The following MAMDC2 variants were observed in gnomAD, a reference collection of about 807,000 sequenced individuals.
MAMDC2 encodes the protein MAM domain containing 2, also known as MAM domain-containing protein 2.
In MAMDC2, 57 loss-of-function variants were observed where a neutral mutation model predicts 89.8. The observed-to-expected ratio is 0.63, with a 90% confidence interval of 0.51 to 0.79. The LOEUF is 0.79. MAMDC2 is among the 30% of genes least tolerant of loss of function. The pLI is 0.00. For synonymous variants in MAMDC2, 313 were observed against 293.4 expected (o/e 1.07, Z -0.68); for missense variants, 800 against 820.6 (o/e 0.97, Z 0.31).
intron 11 of MAMDC2, among the ~76,000 whole-genome samples, chr9:70,209,648 G>T (rs1002103969): frequency 2.6e-5 from 4 of 152,046 alleles, no homozygotes; most frequent in Non-Finnish European, 5.9e-5. Flanking sequence ...GTTCCGCTCT[G>T]ATCTTAGTTA....
At chr9:70,148,934 C>G (rs2031493659) in intron 9 of MAMDC2, among the ~76,000 whole-genome samples, 1 of 147,308 alleles carries the variant, frequency 6.8e-6, no homozygotes, top group Non-Finnish European at 1.5e-5. Flanking sequence ...GAGGCTGAGG[C>G]AGGAGAATGG....
rs138640894 is a variant in MAMDC2, at chr9:70,217,754, CAA to C, written c.1652-579_1652-578del. The C allele has an allele frequency of 2.2e-3, 2,230 of 1,004,346 alleles. 34 individuals carry two copies. The African/African-American group carries it at 0.031, about 14-fold the overall frequency. The allele number at this position is 1,004,346 out of a possible 1,614,324, so 62.2% of individuals were successfully genotyped here. ...TTTTCAAAACTAAAAAAAAGTGTCA[CAA>C]AAAGTTTTAGGAATTAAGTAGGACA... On this transcript the variant is annotated intron_variant, in intron 11 of 13. Coordinates refer to ENST00000377182, the MANE Select transcript of MAMDC2 (RefSeq NM_153267.5).
chr9:70,140,196 G>A lies in MAMDC2; in HGVS notation c.1046G>A (p.Cys349Tyr). 1 of 1,596,506 alleles carries A rather than the reference G, an allele frequency of 6.3e-7. No homozygotes were observed. Among genetic ancestry groups the A allele is most frequent in the Non-Finnish European group, 8.5e-7 (1 of 1,174,806 alleles). ...EASCNFEQDL[C>Y]NFYQDKEGPG... ...AGCTGCAATTTTGAGCAAGATCTCT[G>A]CAACTTTTACCAAGATAAAGAAGGT... Residue 349 changes from cysteine (C) to tyrosine (Y), a missense_variant, in exon 8 of 14, where the codon TGC becomes TAC. Transcript: ENST00000377182.
rs552406581 is a variant in MAMDC2 at position 70,102,014 on chromosome 9, A to T, written c.149-6197A>T. ...ACGGCCAATTTTTCTTTCTGCATGG[A>T]AGTATATACTTATTTAAACATTAGA... is the stretch of plus-strand genomic sequence containing the variant. On this transcript the variant is annotated intron_variant, in intron 2 of 13. Transcript: ENST00000377182. Among the ~76,000 whole-genome samples the T allele has an allele frequency of 5.3e-5, 8 of 152,310 alleles. No homozygotes were observed. In the South Asian group the frequency reaches 1.7e-3, roughly 32 times the overall value.
chr9:70,117,663 G>A (rs1235692710), intron 5 of MAMDC2, among the ~76,000 whole-genome samples: 1 of 151,748 alleles, frequency 6.6e-6, no homozygotes, highest in Non-Finnish European at 1.5e-5. Context: ...AGAGTTTACA[G>A]GAACCAACTT....
intron 11 of MAMDC2, among the ~76,000 whole-genome samples, chr9:70,175,586 A>T (rs574100422): frequency 1.3e-5 from 2 of 152,274 alleles, no homozygotes; most frequent in Admixed American, 6.5e-5. Flanking sequence ...GTATAGGAAA[A>T]AATATATAGT....
rs534081891 is a variant in MAMDC2 at position 70,103,740 on chromosome 9, G to A, written c.149-4471G>A. Among the ~76,000 whole-genome samples the A allele has an allele frequency of 1.5e-4, 23 of 152,208 alleles. 1 individual carries two copies. Among genetic ancestry groups the A allele is most frequent in the Non-Finnish European group, 2.8e-4 (19 of 68,006 alleles). ...CTCACTCCTGTAATCCTAGCACTTT[G>A]GGAGGCCGAGGCGGGCAGACTGCCT... On this transcript the variant is annotated intron_variant, in intron 2 of 13. Coordinates refer to ENST00000377182, the MANE Select transcript of MAMDC2 (RefSeq NM_153267.5).
chr9:70,123,524 A>G (rs570574926), intron 5 of MAMDC2, among the ~76,000 whole-genome samples: 5 of 152,300 alleles, frequency 3.3e-5, no homozygotes, highest in African/African-American at 4.8e-5. Context: ...TGGCGCATAC[A>G]AAGTTTAAAA....
intron 11 of MAMDC2, among the ~76,000 whole-genome samples, chr9:70,204,705 G>C (rs1008157247): frequency 5.3e-5 from 8 of 151,554 alleles, no homozygotes; most frequent in South Asian, 2.1e-4. Flanking sequence ...AGCAATCAGC[G>C]AGATTCCGTG....
intron 5 of MAMDC2, among the ~76,000 whole-genome samples, chr9:70,125,803 G>A (rs915599113): frequency 3.3e-5 from 5 of 152,138 alleles, no homozygotes; most frequent in African/African-American, 1.2e-4. Flanking sequence ...TGGCTTCTCA[G>A]GTAATGTTCT....
chr9:70,043,763 G>T (rs751982281), upstream of MAMDC2: 1 of 170,298 alleles, frequency 5.9e-6, no homozygotes, highest in Non-Finnish European at 1.3e-5. Context: ...CCAGCGGAGG[G>T]ACTCCTGGAA....
intron 6 of MAMDC2, among the ~76,000 whole-genome samples, chr9:70,127,272 G>T (rs1218168163): frequency 6.6e-6 from 1 of 152,102 alleles, no homozygotes; most frequent in African/African-American, 2.4e-5. Context: ...CACACAGCTG[G>T]TGAATGCCAG....
At chr9:70,221,380 T>TATATATATATATATATATATATAGAGAG in intron 12 of MAMDC2, among the ~76,000 whole-genome samples, 1 of 7,044 alleles carries the variant, frequency 1.4e-4, no homozygotes, top group African/African-American at 4.4e-4. Context: ...TATATATATA[T>TATATATATATATATATATATATAGAGAG]AGAGAGAGAG....
At chr9:70,151,136 C>T (rs1236416506) in intron 9 of MAMDC2, among the ~76,000 whole-genome samples, 1 of 152,168 alleles carries the variant, frequency 6.6e-6, no homozygotes, top group African/African-American at 2.4e-5. Context: ...ACAGGGGGTG[C>T]CTCCTGCCCT....
chr9:70,217,717 T>A lies in MAMDC2; in HGVS notation c.1652-620T>A, dbSNP rs2033476188. ...AAAGATTGGATTATATTTAAAAAAA[T>A]TACAGAGTATGTTTTCAAAACTAAA... is the stretch of plus-strand genomic sequence containing the variant. On this transcript the variant is annotated intron_variant, in intron 11 of 13. Transcript: ENST00000377182. The A allele has an allele frequency of 3.0e-6, 4 of 1,329,776 alleles. No individual in the cohort carries two copies. The South Asian group carries it at 5.0e-5, about 17-fold the overall frequency. 82.4% of individuals were successfully genotyped at this position (1,329,776 alleles called of 1,614,324 possible). A position where few individuals can be genotyped will look rare whatever the true frequency, so the allele number is the denominator to read the frequency against.
chr9:70,058,836 G>T lies in MAMDC2; in HGVS notation c.148+14139G>T, dbSNP rs148406513. ...GAATTGAATTCGTATTTGAGGAAAT[G>T]AGTTCTAACTTGGGAAAATTTGAAA... On this transcript the variant is annotated intron_variant, in intron 2 of 13. Coordinates refer to ENST00000377182, the MANE Select transcript of MAMDC2 (RefSeq NM_153267.5). 3.9e-5 allele frequency among the ~76,000 whole-genome samples: 6 copies of T among 152,298 alleles called. No homozygotes were observed. The East Asian group carries it at 1.2e-3, about 29-fold the overall frequency.
intron 2 of MAMDC2, chr9:70,081,874 C>G (rs1242057878): frequency 6.6e-6 from 1 of 152,086 alleles, no homozygotes; most frequent in Admixed American, 6.6e-5. Flanking sequence ...CCCCTGAGGC[C>G]ATTACTTCCT....
chr9:70,048,984 A>C (rs1338141474), intron 2 of MAMDC2, among the ~76,000 whole-genome samples: 1 of 152,242 alleles, frequency 6.6e-6, no homozygotes, highest in Non-Finnish European at 1.5e-5. Context: ...TGGAACACTC[A>C]GCTACCTGGA....
intron 9 of MAMDC2, among the ~76,000 whole-genome samples, chr9:70,160,759 G>A (rs1319974264): frequency 6.6e-6 from 1 of 152,130 alleles, no homozygotes; most frequent in East Asian, 1.9e-4. Flanking sequence ...TGGCTGGTTC[G>A]ACATTAGCCA....
Sources: gnomAD v4.1 joint callset for allele counts (sites outside exome capture counted in the v4.1 genomes callset) on GRCh38, gnomAD v4.1.1 for gene constraint, MANE v1.5 for transcripts, NCBI Gene and HGNC (gene_info 2026-07-23, HGNC 2026-07-21) for gene names.